TFPI: variants seen among roughly 807,000 people sequenced by gnomAD.
TFPI encodes the protein tissue factor pathway inhibitor.
In TFPI, 15 loss-of-function variants were observed where a neutral mutation model predicts 34.6. That is an observed-to-expected ratio of 0.43 (90% CI 0.29 to 0.67). The LOEUF is 0.67. TFPI is among the 30% of genes least tolerant of loss of function. The pLI is 0.15. For missense variants in TFPI, 301 were observed against 364.0 expected (o/e 0.83, Z 1.41); for synonymous variants, 105 against 120.1 (o/e 0.87, Z 0.82).
At chr2:187,545,537 A>G (rs1359232674) in intron 1 of TFPI, among the ~76,000 whole-genome samples, 1 of 152,168 alleles carries the variant, frequency 6.6e-6, no homozygotes, top group African/African-American at 2.4e-5. Flanking sequence ...CAATGTTTCA[A>G]CTCAGACATA....
chr2:187,488,478 ATTATTC>A lies in TFPI; in HGVS notation c.320-109_320-104del, dbSNP rs1161538298. On this transcript the variant is annotated intron_variant, in intron 3 of 7. Coordinates refer to ENST00000233156, the MANE Select transcript of TFPI (RefSeq NM_006287.6). ...GAGTGACATATTTATTACCATTAAA[ATTATTC>A]TTATACAGAATGTCTTAATAAAAAT... The A allele has an allele frequency of 1.3e-5, 8 of 634,284 alleles. No individual in the cohort carries two copies. In the East Asian group the frequency reaches 2.3e-4, roughly 18 times the overall value. 39.3% of individuals were successfully genotyped at this position (634,284 alleles called of 1,614,324 possible).
intron 1 of TFPI, among the ~76,000 whole-genome samples, chr2:187,542,115 T>G (rs1688611162): frequency 6.6e-6 from 1 of 152,058 alleles, no homozygotes; most frequent in Non-Finnish European, 1.5e-5. Flanking sequence ...ACAGACAGAA[T>G]TTGAAGAGAA....
chr2:187,532,437 A>G (rs1688008640), intron 1 of TFPI, among the ~76,000 whole-genome samples: 1 of 152,212 alleles, frequency 6.6e-6, no homozygotes. Context: ...GGGCAAGCCG[A>G]AGCAGGGTGC....
At chr2:187,542,601 C>T (rs1283004755) in intron 1 of TFPI, among the ~76,000 whole-genome samples, 1 of 152,038 alleles carries the variant, frequency 6.6e-6, no homozygotes, top group African/African-American at 2.4e-5. Context: ...CTGGACGCTG[C>T]GGCTCATGCC....
At chr2:187,504,642 G>A (rs1015543163) in intron 1 of TFPI, among the ~76,000 whole-genome samples, 3 of 151,698 alleles carry the variant, frequency 2.0e-5, no homozygotes, top group African/African-American at 4.8e-5. Context: ...GGATTTAAAG[G>A]TGGAAGGAAA....
intron 2 of TFPI, among the ~76,000 whole-genome samples, chr2:187,502,746 CAGTG>C (rs2106115158): frequency 6.6e-6 from 1 of 152,200 alleles, no homozygotes; most frequent in African/African-American, 2.4e-5. Context: ...CCCTAGGAAA[CAGTG>C]AGATTCTTGA....
chr2:187,503,038 GGT>G (rs1559124658), intron 2 of TFPI, among the ~76,000 whole-genome samples: 1 of 151,804 alleles, frequency 6.6e-6, no homozygotes, highest in Non-Finnish European at 1.5e-5. Context: ...CTTTAAGAAA[GGT>G]ATATATCCAC....
At chr2:187,538,649 T>A (rs1358838344) in intron 1 of TFPI, among the ~76,000 whole-genome samples, 1 of 152,166 alleles carries the variant, frequency 6.6e-6, no homozygotes, top group Non-Finnish European at 1.5e-5. Flanking sequence ...GATGGGTTGA[T>A]GGGTGCAGCA....
chr2:187,546,838 T>C (rs1688894190), intron 1 of TFPI: 1 of 152,176 alleles, frequency 6.6e-6, no homozygotes, highest in South Asian at 2.1e-4. Context: ...ATGTAACTCT[T>C]GGTAAATGAA....
At chr2:187,517,069 G>C (rs967355682) in intron 1 of TFPI, 3 of 152,072 alleles carry the variant, frequency 2.0e-5, no homozygotes, top group Non-Finnish European at 4.4e-5. Context: ...TCTGTGGCTC[G>C]TCCTGCTACA....
intron 1 of TFPI, among the ~76,000 whole-genome samples, chr2:187,531,233 A>G (rs1687940712): frequency 6.6e-6 from 1 of 152,126 alleles, no homozygotes; most frequent in Admixed American, 6.5e-5. Context: ...TGCTGCAGTA[A>G]ACTTAGTTGT....
chr2:187,509,052 C>T (rs559271158), intron 1 of TFPI, among the ~76,000 whole-genome samples: 2 of 152,050 alleles, frequency 1.3e-5, no homozygotes, highest in Non-Finnish European at 2.9e-5. Context: ...TATCGAGATA[C>T]TCATGAGGTT....
intron 3 of TFPI, among the ~76,000 whole-genome samples, chr2:187,488,620 C>T (rs1350324688): frequency 6.6e-6 from 1 of 151,330 alleles, no homozygotes; most frequent in Admixed American, 6.6e-5. Flanking sequence ...AACTTTCTAA[C>T]ACACTTACAA....
At chr2:187,531,944 G>A (rs1687979504) in intron 1 of TFPI, among the ~76,000 whole-genome samples, 2 of 151,750 alleles carry the variant, frequency 1.3e-5, no homozygotes, top group Admixed American at 1.3e-4. Flanking sequence ...TTCAAAATTG[G>A]AGGATTCTAT....
At chr2:187,498,299 A>G (rs1685620777) in intron 2 of TFPI, among the ~76,000 whole-genome samples, 1 of 151,826 alleles carries the variant, frequency 6.6e-6, no homozygotes, top group Non-Finnish European at 1.5e-5. Flanking sequence ...AATTTTTTGA[A>G]ACAGAAAATA....
rs1691623440 is a variant in TFPI at position 187,464,417 on chromosome 2, A to C, written c.*2519T>G. On this transcript the variant is annotated 3_prime_UTR_variant, in exon 8 of 8. Transcript: ENST00000233156. ...AGATGCACTTAATTGTGGAAAATAA[A>C]GGAAGACAATAACATCAAGATCTTT... 1 of 152,004 alleles carries C rather than the reference A, an allele frequency of 6.6e-6. No individual in the cohort carries two copies. Among genetic ancestry groups the C allele is most frequent in the African/African-American group, 2.4e-5 (1 of 41,450 alleles). The allele number at this position is 152,004 out of a possible 1,614,324, so 9.4% of individuals were successfully genotyped here. A position where few individuals can be genotyped will look rare whatever the true frequency, so the allele number is the denominator to read the frequency against.
chr2:187,536,411 G>A (rs936251160), intron 1 of TFPI, among the ~76,000 whole-genome samples: 4 of 152,192 alleles, frequency 2.6e-5, no homozygotes, highest in Admixed American at 6.5e-5. Context: ...TCATCCCTGG[G>A]ATGCAAGGCT....
At chr2:187,506,262 C>T (rs1024589737) in intron 1 of TFPI, among the ~76,000 whole-genome samples, 1 of 151,954 alleles carries the variant, frequency 6.6e-6, no homozygotes, top group South Asian at 2.1e-4. Context: ...TTGCTGTAAA[C>T]ATCTGCTTGA....
chr2:187,483,614 T>C (rs556600802), intron 6 of TFPI, among the ~76,000 whole-genome samples: 1 of 152,038 alleles, frequency 6.6e-6, no homozygotes, highest in Admixed American at 6.6e-5. Context: ...GACAAGAACA[T>C]AAAAAAGAGT....
Sources: gnomAD v4.1 joint callset for allele counts (sites outside exome capture counted in the v4.1 genomes callset) on GRCh38, gnomAD v4.1.1 for gene constraint, MANE v1.5 for transcripts, NCBI Gene and HGNC (gene_info 2026-07-23, HGNC 2026-07-21) for gene names.